SMYD4: variants seen among roughly 807,000 people sequenced by gnomAD.
SMYD4 encodes the protein SET and MYND domain containing 4, also known as protein-lysine N-methyltransferase SMYD4.
In SMYD4, 68 loss-of-function variants were observed where a neutral mutation model predicts 72.8. The ratio of observed to expected loss-of-function variants is 0.93; its 90% CI spans 0.77 to 1.14. The LOEUF (loss-of-function observed/expected upper bound fraction) is 1.14. Ranked by LOEUF, SMYD4 falls within the 50% of genes most tolerant of loss-of-function variation. The pLI, the probability that SMYD4 is intolerant of heterozygous loss-of-function variation, is 0.00. For missense variants in SMYD4, 984 were observed against 1,003.7 expected (o/e 0.98, Z 0.27); for synonymous variants, 407 against 388.6 (o/e 1.05, Z -0.56).
Position 1,786,816 on chromosome 17 carries a change from G to A in SMYD4, c.1878C>T (p.Pro626=), listed in dbSNP as rs1461284782. Residue 626 remains proline (P), a synonymous_variant, in exon 7 of 11, where the codon CCC becomes CCT. Coordinates refer to ENST00000305513, the MANE Select transcript of SMYD4 (RefSeq NM_052928.3). ...EAFCCNSCGA[P]MQGDDVLRCG... The stretch of plus-strand genomic sequence containing the variant: ...AGACAGAAGAGAGAATTACCTGCAT[G>A]GGCGCTCCGCAACTGTTGCAACAGA... 1.2e-6 allele frequency: 2 copies of A among 1,614,032 alleles called. No individual in the cohort carries two copies. The highest frequency in any genetic ancestry group is 1.3e-5 in the African/African-American group (1 of 74,922).
At chr17:1,819,916 T>C (rs1018220467) in intron 2 of SMYD4, among the ~76,000 whole-genome samples, 1 of 152,148 alleles carries the variant, frequency 6.6e-6, no homozygotes, top group South Asian at 2.1e-4. Context: ...GCCTCCCAAG[T>C]ACCTGGGATT....
rs1908340900 is a variant in SMYD4, at chr17:1,781,168, A to G, written c.*118T>C. ...ACTCCTGACATCAGGTGATCCGCCCACCTTAGCCTCCCAAAGTGCTGGGAT... is the reference window on the plus strand; with the variant it reads ...ACTCCTGACATCAGGTGATCCGCCCGCCTTAGCCTCCCAAAGTGCTGGGAT... On this transcript the variant is annotated 3_prime_UTR_variant, in exon 11 of 11. Coordinates refer to ENST00000305513, the MANE Select transcript of SMYD4 (RefSeq NM_052928.3). 3 of 1,311,366 alleles carry G rather than the reference A, an allele frequency of 2.3e-6. No homozygotes were observed. Among genetic ancestry groups the G allele is most frequent in the Non-Finnish European group, 3.1e-6 (3 of 968,654 alleles). The allele number at this position is 1,311,366 out of a possible 1,614,324, so 81.2% of individuals were successfully genotyped here.
intron 7 of SMYD4, among the ~76,000 whole-genome samples, chr17:1,785,452 A>AAAG (rs1908629403): frequency 6.8e-6 from 1 of 146,482 alleles, no homozygotes; most frequent in Non-Finnish European, 1.5e-5. Flanking sequence ...AAAAAAAAAA[A>AAAG]AAAGAAAACC....
rs1911281979 is a variant in SMYD4, at chr17:1,827,928, C to T, written c.67G>A (p.Val23Ile). ...LQKWASLPTSVQVTISTAETL... is the reference protein window; with the variant it reads ...LQKWASLPTSIQVTISTAETL... ...TCTGCTGTAGAAATTGTGACCTGAACAGACGTCGGGAGTGAAGCCCACTTT... is the reference window on the plus strand; with the variant it reads ...TCTGCTGTAGAAATTGTGACCTGAATAGACGTCGGGAGTGAAGCCCACTTT... Residue 23 changes from valine (V) to isoleucine (I), a missense_variant, in exon 2 of 11, where the codon GTT becomes ATT. Coordinates refer to ENST00000305513, the MANE Select transcript of SMYD4 (RefSeq NM_052928.3). 6.2e-7 allele frequency: 1 copy of T among 1,613,674 alleles called. No homozygotes were observed. The highest frequency in any genetic ancestry group is 8.5e-7 in the Non-Finnish European group (1 of 1,179,610).
At chr17:1,802,479 G>C (rs1567777537) in intron 4 of SMYD4, among the ~76,000 whole-genome samples, 1 of 152,008 alleles carries the variant, frequency 6.6e-6, no homozygotes, top group African/African-American at 2.4e-5. Flanking sequence ...GGGTAACAGA[G>C]ACCCTGTCTC....
chr17:1,802,706 G>C (rs554362943), intron 4 of SMYD4, among the ~76,000 whole-genome samples: 68 of 152,156 alleles, frequency 4.5e-4, no homozygotes, highest in Non-Finnish European at 8.4e-4. Context: ...CTCAACCCTA[G>C]GGTATAATTT....
intron 5 of SMYD4, among the ~76,000 whole-genome samples, chr17:1,793,714 G>T (rs1909183553): frequency 6.6e-6 from 1 of 151,958 alleles, no homozygotes; most frequent in African/African-American, 2.4e-5. Flanking sequence ...CTGTGGTCAT[G>T]TTTGCAAACA....
chr17:1,795,578 G>T (rs1909360382), intron 5 of SMYD4, among the ~76,000 whole-genome samples: 1 of 152,046 alleles, frequency 6.6e-6, no homozygotes, highest in African/African-American at 2.4e-5. Flanking sequence ...GTGTAGCTGG[G>T]ATTACAGGCA....
intron 5 of SMYD4, among the ~76,000 whole-genome samples, chr17:1,791,268 C>A (rs371414538): frequency 2.6e-5 from 4 of 152,040 alleles, no homozygotes; most frequent in East Asian, 3.9e-4. Flanking sequence ...GCCATTCCCA[C>A]TGAGACAGAA....
At chr17:1,786,994 G>A in intron 6 of SMYD4, 21 bp from the exon 7 acceptor site, 2 of 1,580,540 alleles carry the variant, frequency 1.3e-6, no homozygotes, top group Non-Finnish European at 1.7e-6. Context: ...ATCACCGTCA[G>A]CCAATATTGA....
At position 1,789,764 on chromosome 17, in the gene SMYD4, C is replaced by CAAAAA. The variant is rs60740904; in HGVS notation, c.1538-2165_1538-2161dup. On this transcript the variant is annotated intron_variant, in intron 5 of 10. Coordinates refer to ENST00000305513, the MANE Select transcript of SMYD4 (RefSeq NM_052928.3). ...TGGGTGAAAGAGCGAGACTCTGTCT[C>CAAAAA]AAAAAAAAAAAAAAAGTTTTATAAA... is the stretch of plus-strand genomic sequence containing the variant. 1.9e-4 allele frequency among the ~76,000 whole-genome samples: 17 copies of CAAAAA among 90,098 alleles called. 1 individual carries two copies. Among genetic ancestry groups the CAAAAA allele is most frequent in the East Asian group, 1.2e-3 (4 of 3,328 alleles). 59.1% of individuals were successfully genotyped at this position (90,098 alleles called of 152,430 possible). A position where few individuals can be genotyped will look rare whatever the true frequency, so the allele number is the denominator to read the frequency against.
rs766393569 is a variant in SMYD4 at position 1,800,240 on chromosome 17, T to C, written c.1154A>G (p.Asn385Ser). 2 of 1,614,232 alleles carry C rather than the reference T, an allele frequency of 1.2e-6. No homozygotes were observed. Among genetic ancestry groups the C allele is most frequent in the Non-Finnish European group, 8.5e-7 (1 of 1,180,040 alleles). ...ATAATTAAGTGTCTTGACCTGATTG[T>C]TGCTTTCAGGTAAACAGATGTCCTT... ...SNKDICLPESNNQVKTLNYGL... is the reference protein window; with the variant it reads ...SNKDICLPESSNQVKTLNYGL... The change falls in exon 5 of 11, where the codon AAC becomes AGC. Residue 385 changes from asparagine to serine, a missense_variant. Asn to Ser is a conservative substitution (Grantham distance 46, BLOSUM62 1). Coordinates refer to ENST00000305513, the MANE Select transcript of SMYD4 (RefSeq NM_052928.3).
intron 8 of SMYD4, among the ~76,000 whole-genome samples, 177 bp downstream of exon 8, chr17:1,784,149 A>G (rs1908523338): frequency 6.6e-6 from 1 of 152,250 alleles, no homozygotes; most frequent in Admixed American, 6.5e-5. Context: ...CAAGGGCCCC[A>G]CAGTAACAAA....
At chr17:1,799,836 G>C in intron 5 of SMYD4, 21 bp downstream of exon 5, 1 of 1,527,228 alleles carries the variant, frequency 6.5e-7, no homozygotes, top group South Asian at 1.3e-5. Context: ...TGAAAAGCAG[G>C]AACATCAGGT....
intron 5 of SMYD4, among the ~76,000 whole-genome samples, chr17:1,797,379 A>G (rs1909459503): frequency 1.3e-5 from 2 of 152,252 alleles, no homozygotes; most frequent in African/African-American, 4.8e-5. Flanking sequence ...TACAAATGCC[A>G]CTTTTCTAAT....
chr17:1,826,733 C>T (rs527356587), intron 2 of SMYD4, among the ~76,000 whole-genome samples: 7 of 152,202 alleles, frequency 4.6e-5, no homozygotes, highest in African/African-American at 7.2e-5. Flanking sequence ...CTGCTTTATA[C>T]GTCATTTTAA....
intron 5 of SMYD4, among the ~76,000 whole-genome samples, chr17:1,789,433 G>A (rs537061343): frequency 2.0e-5 from 3 of 151,694 alleles, no homozygotes; most frequent in African/African-American, 7.2e-5. Flanking sequence ...AGGTACAAAT[G>A]TAATGGATAA....
rs1597363025 is a variant in SMYD4 at position 1,783,112 on chromosome 17, C to G, written c.2184G>C (p.Val728=). 1 of 1,614,196 alleles carries G rather than the reference C, an allele frequency of 6.2e-7. No individual in the cohort carries two copies. Among genetic ancestry groups the G allele is most frequent in the South Asian group, 1.1e-5 (1 of 91,086 alleles). ...TGGACGGCCCGTGGCGAACCTCCAC[C>G]ACGTAGAGACTCCTCTGTAGATGGG... ...SATHLQRSLY[V]VEVRHGPSSV... Residue 728 remains valine, a synonymous_variant, in exon 10 of 11, where the codon GTG becomes GTC. Coordinates refer to ENST00000305513, the MANE Select transcript of SMYD4 (RefSeq NM_052928.3).
Position 1,800,104 on chromosome 17 carries a change from G to A in SMYD4, c.1290C>T (p.Pro430=). ...NNYNAVFNLL[P]HTENHSPEHK... is the part of the protein sequence containing the mutation. ...GCTCTGGGCTATGGTTTTCAGTGTG[G>A]GGCAAAAGGTTGAAGACAGCATTAT... Residue 430 remains proline (P), a synonymous_variant, in exon 5 of 11, where the codon CCC becomes CCT. Coordinates refer to ENST00000305513, the MANE Select transcript of SMYD4 (RefSeq NM_052928.3). The A allele has an allele frequency of 6.2e-7, 1 of 1,611,082 alleles. No homozygotes were observed.
Sources: gnomAD v4.1 joint callset for allele counts (sites outside exome capture counted in the v4.1 genomes callset) on GRCh38, gnomAD v4.1.1 for gene constraint, MANE v1.5 for transcripts, NCBI Gene and HGNC (gene_info 2026-07-23, HGNC 2026-07-21) for gene names.